Variants in ATG7 observed in about 807,000 individuals in gnomAD.
ATG7 encodes autophagy related 7, also known as ubiquitin-like modifier-activating enzyme ATG7.
Under a neutral mutation model 82.4 loss-of-function variants are expected in ATG7, and 70 were observed. The ratio of observed to expected loss-of-function variants is 0.85; its 90% CI spans 0.70 to 1.04. ATG7 has a LOEUF of 1.04. ATG7 is among the 50% of genes least tolerant of loss of function. The pLI is 0.00. For missense variants in ATG7, 792 were observed against 864.3 expected (o/e 0.92, Z 1.05); for synonymous variants, 287 against 313.0 (o/e 0.92, Z 0.88).
intron 3 of ATG7, among the ~76,000 whole-genome samples, chr3:11,292,248 T>C (rs188582792): frequency 6.6e-5 from 10 of 151,736 alleles, no homozygotes; most frequent in African/African-American, 2.4e-4. Context: ...TTTTCTTTCT[T>C]TCTTTCTTTT....
At chr3:11,323,508 A>G (rs775755983) in intron 9 of ATG7, among the ~76,000 whole-genome samples, 51 of 152,236 alleles carry the variant, frequency 3.4e-4, no homozygotes, top group Non-Finnish European at 4.4e-4. Context: ...CATTGCTACA[A>G]CAGATCACCA....
chr3:11,473,689 T>C (rs2087800080), intron 20 of ATG7, among the ~76,000 whole-genome samples: 1 of 152,244 alleles, frequency 6.6e-6, no homozygotes, highest in Non-Finnish European at 1.5e-5. Flanking sequence ...TATCATCTAT[T>C]TGCAGTGCTG....
Position 11,555,001 on chromosome 3 carries a change from G to A in ATG7, c.*158G>A. 1.1e-6 allele frequency: 1 copy of A among 892,528 alleles called. No individual in the cohort carries two copies. The highest frequency in any genetic ancestry group is 2.8e-5 in the East Asian group (1 of 35,282). 55.3% of individuals were successfully genotyped at this position (892,528 alleles called of 1,614,324 possible). A position where few individuals can be genotyped will look rare whatever the true frequency, so the allele number is the denominator to read the frequency against. On this transcript the variant is annotated 3_prime_UTR_variant, in exon 21 of 21. Transcript: ENST00000693202. ...CCTCTGCTGCCCAGGAGTGGCCAGT[G>A]TTCGGCGTTGCTCGGGATTCAAGAT...
intron 19 of ATG7, among the ~76,000 whole-genome samples, chr3:11,392,816 T>G (rs2078927498): frequency 6.6e-6 from 1 of 152,212 alleles, no homozygotes; most frequent in Non-Finnish European, 1.5e-5. Flanking sequence ...TTTTGTTTGT[T>G]TGGTAGAAAC....
At chr3:11,388,619 A>G (rs1559518614) in intron 19 of ATG7, among the ~76,000 whole-genome samples, 1 of 151,946 alleles carries the variant, frequency 6.6e-6, no homozygotes, top group Non-Finnish European at 1.5e-5. Flanking sequence ...TAGTAGAGAC[A>G]GGGTTTCACC....
chr3:11,343,318 T>C (rs1158591350), intron 13 of ATG7, among the ~76,000 whole-genome samples: 1 of 152,240 alleles, frequency 6.6e-6, no homozygotes, highest in Non-Finnish European at 1.5e-5. Flanking sequence ...AAACTGGATA[T>C]ATCAACTTTT....
chr3:11,314,797 GC>G (rs61529561), intron 8 of ATG7, among the ~76,000 whole-genome samples: 152,206 of 152,206 alleles, frequency 1, 76,103 homozygotes, highest in Non-Finnish European at 1. Context: ...AGTTAGCTGA[GC>G]CATGGTGGTG....
chr3:11,483,524 C>T (rs1013630638), intron 20 of ATG7, among the ~76,000 whole-genome samples: 1 of 151,992 alleles, frequency 6.6e-6, no homozygotes, highest in Non-Finnish European at 1.5e-5. Context: ...TTCCGATGTG[C>T]GAATGTCAAG....
rs751146998 is a variant in ATG7, at chr3:11,362,898, T to C, written c.1769T>C (p.Leu590Ser). Residue 590 changes from leucine to serine, a missense_variant, in exon 17 of 21, where the codon TTG (leucine) becomes TCG (serine). Coordinates refer to ENST00000693202, the MANE Select transcript of ATG7 (RefSeq NM_001349232.2). ...AVIAGALAVE[L>S]MVSVLQHPEG... ...ATTGCAGGAGCCCTGGCCGTGGAATTGATGGTATCTGTTTTGCAGCATCCA... is the reference window on the plus strand; with the variant it reads ...ATTGCAGGAGCCCTGGCCGTGGAATCGATGGTATCTGTTTTGCAGCATCCA... 2.5e-6 allele frequency: 4 copies of C among 1,614,022 alleles called. No homozygotes were observed. The highest frequency in any genetic ancestry group is 3.4e-6 in the Non-Finnish European group (4 of 1,179,962).
chr3:11,313,100 T>G (rs1314470615), intron 7 of ATG7, among the ~76,000 whole-genome samples: 1 of 152,200 alleles, frequency 6.6e-6, no homozygotes, highest in East Asian at 1.9e-4. Context: ...TTATTAGTGG[T>G]GGTATATGAG....
At chr3:11,342,424 A>G (rs1953796732) in intron 13 of ATG7, 145 bp downstream of exon 13, 1 of 1,131,124 alleles carries the variant, frequency 8.8e-7, no homozygotes. Context: ...TATCTTTTTA[A>G]GTGTAAAAGA....
downstream of ATG7, chr3:11,558,198 C>T (rs978600896): frequency 2.8e-5 from 9 of 326,624 alleles, no homozygotes; most frequent in South Asian, 1.6e-4. Flanking sequence ...AAGCACAAAG[C>T]GTCTGAGTCA....
intron 19 of ATG7, among the ~76,000 whole-genome samples, chr3:11,423,726 A>G (rs1464606075): frequency 6.6e-6 from 1 of 151,934 alleles, no homozygotes; most frequent in East Asian, 1.9e-4. Context: ...GCTCTCTAGG[A>G]CTTGCAGTCT....
rs1440575760 is a variant in ATG7, at chr3:11,556,450, A to G, written c.*1607A>G. 6.5e-6 allele frequency: 1 copy of G among 152,776 alleles called. No individual in the cohort carries two copies. The highest frequency in any genetic ancestry group is 1.9e-4 in the East Asian group (1 of 5,302). The allele number at this position is 152,776 out of a possible 1,614,324, so 9.5% of individuals were successfully genotyped here. ...CACTGACAAAGAGACCTGTCCCAGG[A>G]GTGTCCTCCACCGAGCCGGTCAGCT... On this transcript the variant is annotated 3_prime_UTR_variant, in exon 21 of 21. Transcript: ENST00000693202.
In ATG7 at chr3:11,497,533, C is replaced by CG. The variant is rs1381636065; in HGVS notation, c.2080-57278_2080-57277insG. On this transcript the variant is annotated intron_variant, in intron 20 of 20. Transcript: ENST00000693202. ...CCTGGGTGACAGAGCGAGACTCCAC[C>CG]AAAAAAAAAAAAAAAAAAAAAATTC... 4.5e-3 allele frequency among the ~76,000 whole-genome samples: 350 copies of CG among 77,404 alleles called. 3 individuals carry two copies. Among genetic ancestry groups the CG allele is most frequent in the South Asian group, 8.6e-3 (21 of 2,436 alleles). The allele number at this position is 77,404 out of a possible 152,430, so 50.8% of individuals were successfully genotyped here.
chr3:11,424,113 C>T (rs770712839), intron 19 of ATG7, among the ~76,000 whole-genome samples: 9 of 152,130 alleles, frequency 5.9e-5, no homozygotes, highest in Non-Finnish European at 1.2e-4. Flanking sequence ...CTGGTCCTTT[C>T]GCTTTTCACT....
intron 20 of ATG7, among the ~76,000 whole-genome samples, chr3:11,529,295 T>G (rs13324245): frequency 0.16 from 24,536 of 152,096 alleles, 2,126 homozygotes; most frequent in Middle Eastern, 0.24. Context: ...GTAATTAAGA[T>G]CATTGATTGG....
chr3:11,414,985 G>T (rs2081242069), intron 19 of ATG7, among the ~76,000 whole-genome samples: 1 of 152,170 alleles, frequency 6.6e-6, no homozygotes. Context: ...AATGTGTTTG[G>T]TGATTTCATT....
intron 1 of ATG7, among the ~76,000 whole-genome samples, chr3:11,276,308 A>G (rs1212028652): frequency 1.3e-5 from 2 of 152,154 alleles, no homozygotes; most frequent in East Asian, 1.9e-4. Flanking sequence ...TTTTAAGACT[A>G]AGTCCTCTAT....
Sources: allele counts gnomAD v4.1 joint callset (sites outside exome capture counted in the v4.1 genomes callset), GRCh38; gene constraint gnomAD v4.1.1; transcripts MANE v1.5; gene names NCBI Gene and HGNC (gene_info 2026-07-23, HGNC 2026-07-21).